Variants in CDH4 observed in about 807,000 individuals in gnomAD.
CDH4 encodes the protein cadherin-4.
CDH4 carries 33 observed loss-of-function variants against 86.0 expected under a neutral mutation model. That is an observed-to-expected ratio of 0.38 (90% CI 0.29 to 0.51). The LOEUF is 0.51. Among genes scored for constraint, CDH4 ranks in the 20% least tolerant of loss-of-function variants. The pLI is 0.86. For missense variants in CDH4, 1,114 were observed against 1,307.4 expected (o/e 0.85, Z 2.28); for synonymous variants, 555 against 549.4 (o/e 1.01, Z -0.14).
At chr20:61,370,314 C>T (rs2084833218) in intron 2 of CDH4, 1 of 152,498 alleles carries the variant, frequency 6.6e-6, no homozygotes, top group Non-Finnish European at 1.5e-5. Context: ...CTCTGCATGC[C>T]TTCAAGGAGC....
intron 2 of CDH4, among the ~76,000 whole-genome samples, chr20:61,550,047 TGCCCC>T (rs1200420134): frequency 6.6e-6 from 1 of 151,890 alleles, no homozygotes; most frequent in African/African-American, 2.4e-5. Context: ...CTGGCCTCCC[TGCCCC>T]AACCTCCCTG....
intron 2 of CDH4, among the ~76,000 whole-genome samples, chr20:61,401,295 G>C (rs2085048075): frequency 6.6e-6 from 1 of 152,222 alleles, no homozygotes; most frequent in Non-Finnish European, 1.5e-5. Context: ...TGAGAAGGAA[G>C]GATCTGTATC....
intron 5 of CDH4, among the ~76,000 whole-genome samples, chr20:61,846,427 A>G (rs1466434162): frequency 6.6e-6 from 1 of 152,180 alleles, no homozygotes; most frequent in Non-Finnish European, 1.5e-5. Flanking sequence ...ACGCGTCTAC[A>G]ACAGGCTCAG....
chr20:61,803,982 G>C (rs1979981320), intron 4 of CDH4, among the ~76,000 whole-genome samples: 1 of 152,206 alleles, frequency 6.6e-6, no homozygotes, highest in Non-Finnish European at 1.5e-5. Flanking sequence ...AAACTTTTTT[G>C]TTGTGTTTAG....
At chr20:61,307,742 C>T (rs563687059) in intron 2 of CDH4, among the ~76,000 whole-genome samples, 4 of 152,278 alleles carry the variant, frequency 2.6e-5, no homozygotes, top group East Asian at 1.9e-4. Context: ...AGCCTGTAGC[C>T]TGCCTGTCTG....
chr20:61,551,969 C>G (rs985166443), intron 2 of CDH4, among the ~76,000 whole-genome samples: 7 of 152,168 alleles, frequency 4.6e-5, no homozygotes, highest in African/African-American at 1.7e-4. Context: ...ACACCATATA[C>G]AAAAGTTAAC....
chr20:61,600,069 C>A, intron 2 of CDH4: 3 of 586,214 alleles, frequency 5.1e-6, no homozygotes, highest in South Asian at 7.5e-5. Flanking sequence ...GACTGTCTGA[C>A]TCTCCGGGGA....
At chr20:61,903,437 C>T (rs937787361) in intron 8 of CDH4, among the ~76,000 whole-genome samples, 1 of 148,356 alleles carries the variant, frequency 6.7e-6, no homozygotes, top group Non-Finnish European at 1.5e-5. Flanking sequence ...CCCAGCTACT[C>T]ACGAGGCTGA....
At chr20:61,577,927 C>T (rs2086395885) in intron 2 of CDH4, among the ~76,000 whole-genome samples, 2 of 152,220 alleles carry the variant, frequency 1.3e-5, no homozygotes, top group South Asian at 4.1e-4. Flanking sequence ...GTCTTCATTT[C>T]TCTCCTTAAT....
At chr20:61,800,502 C>T (rs1334501409) in intron 4 of CDH4, among the ~76,000 whole-genome samples, 1 of 152,226 alleles carries the variant, frequency 6.6e-6, no homozygotes, top group Non-Finnish European at 1.5e-5. Context: ...TGTGAATCTC[C>T]TCATCGCCCC....
intron 8 of CDH4, among the ~76,000 whole-genome samples, chr20:61,900,948 A>G (rs1985367839): frequency 6.6e-6 from 1 of 152,244 alleles, no homozygotes; most frequent in African/African-American, 2.4e-5. Context: ...CAATATGGCC[A>G]TCGTGGCTGT....
chr20:61,740,483 T>C (rs1368871242), intron 2 of CDH4: 2 of 152,228 alleles, frequency 1.3e-5, no homozygotes, highest in African/African-American at 2.4e-5. Flanking sequence ...TATTGCTCTT[T>C]CCTTATGAAA....
chr20:61,719,332 C>CGGAG (rs2088004971), intron 2 of CDH4: 1 of 340,190 alleles, frequency 2.9e-6, no homozygotes, highest in Non-Finnish European at 6.1e-6. Context: ...GAGTCAGCCA[C>CGGAG]GGAGGCCTGT....
chr20:61,763,236 C>G (rs1347226379), intron 3 of CDH4, among the ~76,000 whole-genome samples: 1 of 152,102 alleles, frequency 6.6e-6, no homozygotes, highest in Non-Finnish European at 1.5e-5. Flanking sequence ...GTAATGACTT[C>G]GACTAGGACA....
chr20:61,451,580 C>T (rs1029177240), intron 2 of CDH4, among the ~76,000 whole-genome samples: 1 of 152,144 alleles, frequency 6.6e-6, no homozygotes, highest in Admixed American at 6.5e-5. Flanking sequence ...CCTTTGCTTA[C>T]TGGGTAAAGG....
chr20:61,266,505 GA>G (rs1400947019), intron 2 of CDH4, among the ~76,000 whole-genome samples: 2 of 151,924 alleles, frequency 1.3e-5, no homozygotes, highest in Non-Finnish European at 2.9e-5. Flanking sequence ...GATGTGCCTA[GA>G]AAAGCAAGAA....
intron 6 of CDH4, among the ~76,000 whole-genome samples, chr20:61,858,379 ATGTG>A (rs1321797228): frequency 1.1e-5 from 1 of 91,646 alleles, no homozygotes; most frequent in African/African-American, 4.5e-5. Context: ...CTGTGTCTGT[ATGTG>A]TATCTGTGTC....
chr20:61,507,602 C>G (rs1434339400), intron 2 of CDH4, among the ~76,000 whole-genome samples: 1 of 152,088 alleles, frequency 6.6e-6, no homozygotes, highest in South Asian at 2.1e-4. Context: ...AGGGTACCTC[C>G]TACAAAATAC....
intron 2 of CDH4, among the ~76,000 whole-genome samples, chr20:61,593,520 C>G (rs182257065): frequency 6.9e-4 from 105 of 152,350 alleles, no homozygotes; most frequent in Non-Finnish European, 1.1e-3. Flanking sequence ...TTGCTATATT[C>G]CAGTTTCATG....
Sources: gnomAD v4.1 joint callset for allele counts (sites outside exome capture counted in the v4.1 genomes callset) on GRCh38, gnomAD v4.1.1 for gene constraint, MANE v1.5 for transcripts, NCBI Gene and HGNC (gene_info 2026-07-23, HGNC 2026-07-21) for gene names.